The following ST3GAL3 variants were observed in gnomAD, a reference collection of about 807,000 sequenced individuals.
ST3GAL3 encodes ST3 beta-galactoside alpha-2,3-sialyltransferase 3, also known as CMP-N-acetylneuraminate-beta-1,4-galactoside alpha-2,3-sialyltransferase.
ST3GAL3 carries 21 observed loss-of-function variants against 50.1 expected under a neutral mutation model. The observed-to-expected ratio is 0.42, with a 90% confidence interval of 0.30 to 0.60. The LOEUF (loss-of-function observed/expected upper bound fraction) is 0.60, where lower values mean the gene tolerates loss of function less well. ST3GAL3 is among the 20% of genes least tolerant of loss of function. The pLI is 0.19. For missense variants in ST3GAL3, 353 were observed against 489.4 expected (o/e 0.72, Z 2.63); for synonymous variants, 183 against 190.0 (o/e 0.96, Z 0.30).
At chr1:43,788,601 A>C (rs1484623568) in intron 2 of ST3GAL3, among the ~76,000 whole-genome samples, 1 of 152,176 alleles carries the variant, frequency 6.6e-6, no homozygotes, top group Non-Finnish European at 1.5e-5. Flanking sequence ...AATGGATTTT[A>C]CCTCCAACTT....
intron 1 of ST3GAL3, among the ~76,000 whole-genome samples, chr1:43,729,813 A>G (rs149404356): frequency 1.3e-5 from 2 of 152,370 alleles, no homozygotes; most frequent in African/African-American, 2.4e-5. Context: ...GGCCATTCAC[A>G]TAAGACTTTT....
intron 2 of ST3GAL3, among the ~76,000 whole-genome samples, chr1:43,768,127 A>T (rs916109441): frequency 6.6e-6 from 1 of 151,286 alleles, no homozygotes; most frequent in African/African-American, 2.5e-5. Context: ...AAGTTTTTTT[A>T]AAAAAAGATT....
chr1:43,713,862 T>G (rs1666004255), intron 1 of ST3GAL3, among the ~76,000 whole-genome samples: 1 of 152,178 alleles, frequency 6.6e-6, no homozygotes, highest in Admixed American at 6.5e-5. Context: ...TTTGCATTTA[T>G]TTTAGGTCTT....
intron 2 of ST3GAL3, among the ~76,000 whole-genome samples, chr1:43,765,383 A>T (rs1376396718): frequency 6.6e-6 from 1 of 152,154 alleles, no homozygotes; most frequent in African/African-American, 2.4e-5. Context: ...CCTGCAGCGC[A>T]CGTTCCACAG....
At chr1:43,831,433 A>G (rs1246260299) in intron 4 of ST3GAL3, among the ~76,000 whole-genome samples, 2 of 152,228 alleles carry the variant, frequency 1.3e-5, no homozygotes, top group Admixed American at 6.5e-5. Flanking sequence ...TTGTTATCCA[A>G]TCAGTGCATA....
At chr1:43,817,371 CCTT>C (rs1301769984) in intron 4 of ST3GAL3, among the ~76,000 whole-genome samples, 5 of 85,538 alleles carry the variant, frequency 5.8e-5, no homozygotes, top group African/African-American at 1.7e-4. Context: ...TCCTTCTTCT[CCTT>C]CTTCTCCTTC....
chr1:43,843,215 T>A (rs7542434), intron 5 of ST3GAL3, among the ~76,000 whole-genome samples: 29,037 of 152,226 alleles, frequency 0.19, 3,453 homozygotes, highest in African/African-American at 0.31. Flanking sequence ...CTGTAGGTTT[T>A]TCATAGATAC....
chr1:43,900,527 C>G (rs1164818103), intron 9 of ST3GAL3, among the ~76,000 whole-genome samples: 15 of 151,520 alleles, frequency 9.9e-5, no homozygotes, highest in Admixed American at 7.2e-4. Context: ...CCCACTCCCC[C>G]ACAACCAGCT....
chr1:43,735,918 A>G (rs1408105852), intron 1 of ST3GAL3, among the ~76,000 whole-genome samples: 1 of 152,212 alleles, frequency 6.6e-6, no homozygotes, highest in Non-Finnish European at 1.5e-5. Flanking sequence ...AACACAATCT[A>G]GGGTAGTGAT....
Position 43,930,289 on chromosome 1 carries a change from G to A in ST3GAL3, c.*68G>A. ...AGCAGCAGCCAGCACCACCTACACA[G>A]GAGTCTTCAGACCCAGAGAAGGACG... is the stretch of plus-strand genomic sequence containing the variant. On this transcript the variant is annotated 3_prime_UTR_variant, in exon 12 of 12. Transcript: ENST00000347631. The A allele has an allele frequency of 2.7e-6, 4 of 1,463,994 alleles. No homozygotes were observed. The South Asian group carries it at 3.4e-5, about 12-fold the overall frequency. The allele number at this position is 1,463,994 out of a possible 1,614,324, so 90.7% of individuals were successfully genotyped here. A position where few individuals can be genotyped will look rare whatever the true frequency, so the allele number is the denominator to read the frequency against.
intron 2 of ST3GAL3, among the ~76,000 whole-genome samples, chr1:43,760,746 G>C (rs372191716): frequency 5.9e-5 from 9 of 151,478 alleles, no homozygotes; most frequent in East Asian, 1.9e-4. Flanking sequence ...ACACAGCAAG[G>C]CTCCGTCTCA....
At chr1:43,750,870 A>G (rs1488768088) in intron 2 of ST3GAL3, among the ~76,000 whole-genome samples, 1 of 151,626 alleles carries the variant, frequency 6.6e-6, no homozygotes, top group East Asian at 1.9e-4. Flanking sequence ...AGTGAGTGAG[A>G]CTTTGTCTCA....
chr1:43,808,147 C>CA (rs1391661158), intron 3 of ST3GAL3, among the ~76,000 whole-genome samples: 1 of 151,674 alleles, frequency 6.6e-6, no homozygotes, highest in Non-Finnish European at 1.5e-5. Context: ...ACTAAAAATA[C>CA]AAAAAAATTA....
Position 43,930,188 on chromosome 1 carries a change from T to C in ST3GAL3, c.1095T>C (p.Ala365=). 1 of 1,614,000 alleles carries C rather than the reference T, an allele frequency of 6.2e-7. No individual in the cohort carries two copies. The highest frequency in any genetic ancestry group is 1.3e-5 in the African/African-American group (1 of 75,046). Residue 365 remains alanine, a synonymous_variant, in exon 12 of 12, where the codon GCT becomes GCC. Coordinates refer to ENST00000347631, the MANE Select transcript of ST3GAL3 (RefSeq NM_006279.5). ...AGTTTCTGCGGAAGCTGGTGAAAGC[T>C]CGCGTCATCACTGATCTAAGCAGTG... ...EKEFLRKLVK[A]RVITDLSSGI
intron 2 of ST3GAL3, among the ~76,000 whole-genome samples, chr1:43,750,585 A>G (rs1052198361): frequency 2.6e-5 from 4 of 152,184 alleles, no homozygotes; most frequent in African/African-American, 9.7e-5. Context: ...CAAACCATAA[A>G]AGAATGAAAA....
At chr1:43,741,666 C>T (rs1416859337) in intron 2 of ST3GAL3, among the ~76,000 whole-genome samples, 1 of 152,146 alleles carries the variant, frequency 6.6e-6, no homozygotes, top group Non-Finnish European at 1.5e-5. Flanking sequence ...AGGTACTCTG[C>T]TTCCCATGGT....
chr1:43,906,276 T>TG (rs1454346708), intron 9 of ST3GAL3, among the ~76,000 whole-genome samples: 2 of 120,030 alleles, frequency 1.7e-5, no homozygotes, highest in Non-Finnish European at 3.4e-5. Context: ...CTCCTCCTCC[T>TG]CTTCCTGCCA....
intron 2 of ST3GAL3, among the ~76,000 whole-genome samples, chr1:43,778,495 G>C (rs1463846844): frequency 2.0e-5 from 3 of 151,724 alleles, no homozygotes; most frequent in Non-Finnish European, 4.4e-5. Flanking sequence ...ACACATTTGG[G>C]GTTTTTTTAA....
At chr1:43,750,368 A>G (rs114796576) in intron 2 of ST3GAL3, among the ~76,000 whole-genome samples, 1 of 152,344 alleles carries the variant, frequency 6.6e-6, no homozygotes, top group African/African-American at 2.4e-5. Context: ...TTGTAAACAA[A>G]TGTTGGTGGC....
Sources: gnomAD v4.1 joint callset for allele counts (sites outside exome capture counted in the v4.1 genomes callset) on GRCh38, gnomAD v4.1.1 for gene constraint, MANE v1.5 for transcripts, NCBI Gene and HGNC (gene_info 2026-07-23, HGNC 2026-07-21) for gene names.